The following FMNL2 variants were observed in gnomAD, a reference collection of about 807,000 sequenced individuals.
FMNL2 encodes the protein formin like 2.
FMNL2 carries 51 observed loss-of-function variants against 130.2 expected under a neutral mutation model. The observed-to-expected ratio is 0.39, with a 90% CI of 0.31 to 0.49. The LOEUF (loss-of-function observed/expected upper bound fraction) is 0.49. Ranked by LOEUF, FMNL2 falls within the 20% of genes least tolerant of loss-of-function variation. The probability of loss-of-function intolerance (pLI) is 0.85; values close to 1 mark genes in which losing one functional copy is unlikely to be tolerated. For missense variants in FMNL2, 977 were observed against 1,316.2 expected (o/e 0.74, Z 3.99); for synonymous variants, 465 against 467.1 (o/e 1.00, Z 0.06).
At chr2:152,343,924 A>C (rs1681960925) in intron 1 of FMNL2, among the ~76,000 whole-genome samples, 1 of 152,138 alleles carries the variant, frequency 6.6e-6, no homozygotes, top group African/African-American at 2.4e-5. Context: ...AGGCCAAGAC[A>C]GGAGGATCAC....
At chr2:152,492,255 A>G (rs889369321) in intron 1 of FMNL2, among the ~76,000 whole-genome samples, 5 of 151,926 alleles carry the variant, frequency 3.3e-5, no homozygotes, top group Admixed American at 1.3e-4. Flanking sequence ...TTCTTGTTAG[A>G]TCAGTCTCTA....
rs1698680267 is a variant in FMNL2, at chr2:152,611,482, A to G, written c.952-13A>G. The G allele has an allele frequency of 1.3e-6, 2 of 1,534,802 alleles. No homozygotes were observed. The highest frequency in any genetic ancestry group is 1.4e-5 in the African/African-American group (1 of 73,240). On this transcript the variant is annotated splice_polypyrimidine_tract_variant and intron_variant, in intron 10 of 25. Transcript: ENST00000288670. ...TTTGGAGCCCATCTAACCCCTTGAC[A>G]ATTTCATTTCAGGTGGCTTCTATGC...
intron 24 of FMNL2, among the ~76,000 whole-genome samples, chr2:152,640,490 T>C (rs933384195): frequency 6.6e-6 from 1 of 152,206 alleles, no homozygotes; most frequent in African/African-American, 2.4e-5. Context: ...GTCCAAAGTT[T>C]TCTTCATTGT....
chr2:152,421,781 A>C (rs993785795), intron 1 of FMNL2, among the ~76,000 whole-genome samples: 4 of 152,198 alleles, frequency 2.6e-5, no homozygotes, highest in African/African-American at 9.7e-5. Flanking sequence ...GATGTTATAG[A>C]AATTGCGTAA....
chr2:152,599,159 A>G (rs1268033086), intron 9 of FMNL2, among the ~76,000 whole-genome samples: 1 of 152,212 alleles, frequency 6.6e-6, no homozygotes, highest in South Asian at 2.1e-4. Flanking sequence ...ACTCACTGTC[A>G]CAGACACACC....
intron 25 of FMNL2, 42 bp downstream of exon 25, chr2:152,640,956 G>C (rs1396198270): frequency 6.2e-7 from 1 of 1,610,494 alleles, no homozygotes; most frequent in African/African-American, 1.3e-5. Context: ...AGATCCCACT[G>C]GCCTCACCTA....
In FMNL2 at chr2:152,478,333, G is replaced by A. The variant is rs115770522; in HGVS notation, c.118-43610G>A. Among the ~76,000 whole-genome samples, 511 of 147,364 alleles carry A rather than the reference G, an allele frequency of 3.5e-3. 2 individuals are homozygous for A. Among genetic ancestry groups the A allele is most frequent in the African/African-American group, 0.012 (481 of 40,304 alleles). ...TGGCATGATCTTGGCTCACTCCCGGGTTCAAGTGATTCTCCTGCGTCAGCC... is the reference window on the plus strand; with the variant it reads ...TGGCATGATCTTGGCTCACTCCCGGATTCAAGTGATTCTCCTGCGTCAGCC... On this transcript the variant is annotated intron_variant, in intron 1 of 25. Coordinates refer to ENST00000288670, the MANE Select transcript of FMNL2 (RefSeq NM_052905.4).
chr2:152,549,155 C>A, intron 4 of FMNL2, 58 bp downstream of exon 4: 1 of 1,216,080 alleles, frequency 8.2e-7, no homozygotes, highest in East Asian at 2.7e-5. Flanking sequence ...TACAAAGTAA[C>A]TGAATCATAC....
At chr2:152,642,192 G>A (rs1378345651) in intron 25 of FMNL2, among the ~76,000 whole-genome samples, 3 of 152,052 alleles carry the variant, frequency 2.0e-5, no homozygotes, top group African/African-American at 4.8e-5. Flanking sequence ...TGCCCGCCTC[G>A]GCCACCCAAA....
chr2:152,595,940 A>T (rs1697745307), intron 9 of FMNL2, among the ~76,000 whole-genome samples: 1 of 151,792 alleles, frequency 6.6e-6, no homozygotes, highest in South Asian at 2.1e-4. Flanking sequence ...GGCCTTATTA[A>T]ACAGAAGAAT....
intron 25 of FMNL2, chr2:152,645,408 T>TTGTG: frequency 8.1e-7 from 1 of 1,238,584 alleles, no homozygotes; most frequent in Non-Finnish European, 1.1e-6. Context: ...AACCATCATT[T>TTGTG]TGTGTTTTTG....
intron 9 of FMNL2, among the ~76,000 whole-genome samples, chr2:152,605,216 G>A (rs1034618021): frequency 6.6e-6 from 1 of 152,064 alleles, no homozygotes; most frequent in African/African-American, 2.4e-5. Context: ...TTTTAAAATT[G>A]TGCATGCCCG....
chr2:152,435,655 A>G (rs1687717405), intron 1 of FMNL2, among the ~76,000 whole-genome samples: 1 of 152,032 alleles, frequency 6.6e-6, no homozygotes, highest in Non-Finnish European at 1.5e-5. Context: ...GAAGGTCTCT[A>G]GAGCGTCTCT....
chr2:152,404,952 C>A (rs1685904830), intron 1 of FMNL2, among the ~76,000 whole-genome samples: 1 of 152,134 alleles, frequency 6.6e-6, no homozygotes, highest in African/African-American at 2.4e-5. Flanking sequence ...TACTGCATCA[C>A]CTTCCTCCAG....
At chr2:152,626,869 G>A in intron 17 of FMNL2, 142 bp downstream of exon 17, 1 of 860,706 alleles carries the variant, frequency 1.2e-6, no homozygotes, top group Non-Finnish European at 1.8e-6. Context: ...CCACACTTGA[G>A]AGATCTGAAC....
chr2:152,478,445 T>G (rs1247778747), intron 1 of FMNL2, among the ~76,000 whole-genome samples: 1 of 151,264 alleles, frequency 6.6e-6, no homozygotes, highest in Non-Finnish European at 1.5e-5. Flanking sequence ...ACCATGTTGG[T>G]CAGGCTGGTC....
At position 152,594,202 on chromosome 2, in the gene FMNL2, A is replaced by G. The variant is rs531222832; in HGVS notation, c.877-13137A>G. Among the ~76,000 whole-genome samples the G allele has an allele frequency of 5.1e-4, 78 of 152,304 alleles. 2 individuals are homozygous for G. The highest frequency in any genetic ancestry group is 3.3e-3 in the South Asian group (16 of 4,820). On this transcript the variant is annotated intron_variant, in intron 9 of 25. Transcript: ENST00000288670. ...TCCAAGTCTACAATTTTATGATTCT[A>G]TATAAAACTTTGTGTACACATGCCT...
At position 152,558,736 on chromosome 2, in the gene FMNL2, A is replaced by T; in HGVS notation, c.360-4A>T. On this transcript the variant is annotated splice_region_variant and splice_polypyrimidine_tract_variant and intron_variant, in intron 4 of 25. Transcript: ENST00000288670. ...AATGATTTTTTTTTTTTTTTCCCCA[A>T]CAGATGGGTCAGAGAATTTCTGAAT... 6.2e-7 allele frequency: 1 copy of T among 1,609,244 alleles called. No homozygotes were observed. Among genetic ancestry groups the T allele is most frequent in the South Asian group, 1.1e-5 (1 of 90,302 alleles).
At chr2:152,450,109 G>A in intron 1 of FMNL2, among the ~76,000 whole-genome samples, 1 of 151,666 alleles carries the variant, frequency 6.6e-6, no homozygotes, top group African/African-American at 2.4e-5. Context: ...GAGAGCTTGG[G>A]GAATAAAAAC....
Sources: allele counts gnomAD v4.1 joint callset (sites outside exome capture counted in the v4.1 genomes callset), GRCh38; gene constraint gnomAD v4.1.1; transcripts MANE v1.5; gene names NCBI Gene and HGNC (gene_info 2026-07-23, HGNC 2026-07-21).